OVOL1: variants seen among roughly 807,000 people sequenced by gnomAD.
OVOL1 encodes ovo like transcriptional repressor 1.
OVOL1 carries 10 observed loss-of-function variants against 21.5 expected under a neutral mutation model. The ratio of observed to expected loss-of-function variants is 0.46; its 90% CI spans 0.29 to 0.79. The LOEUF (loss-of-function observed/expected upper bound fraction) is 0.79, where lower values mean the gene tolerates loss of function less well. Ranked by LOEUF, OVOL1 falls within the 30% of genes least tolerant of loss-of-function variation. The pLI is 0.10. For missense variants in OVOL1, 279 were observed against 362.3 expected (o/e 0.77, Z 1.87); for synonymous variants, 129 against 150.3 (o/e 0.86, Z 1.03).
intron 1 of OVOL1, chr11:65,792,263 C>T (rs1858035508): frequency 6.6e-6 from 1 of 152,598 alleles, no homozygotes; most frequent in Non-Finnish European, 1.5e-5. Context: ...GAGCAGCCAC[C>T]CTTGTGGGCT....
intron 1 of OVOL1, 148 bp from the exon 2 acceptor site, chr11:65,793,883 G>A: frequency 1.6e-6 from 1 of 633,658 alleles, no homozygotes. Flanking sequence ...CAGCAGTGGT[G>A]GTCGGGGCAG....
chr11:65,789,521 G>A (rs1397763039), intron 1 of OVOL1: 1 of 226,394 alleles, frequency 4.4e-6, no homozygotes, highest in African/African-American at 2.3e-5. Flanking sequence ...TTTTCCCACA[G>A]TTTTTGGCAA....
chr11:65,789,191 T>A, intron 1 of OVOL1: 1 of 496,594 alleles, frequency 2.0e-6, no homozygotes, highest in Non-Finnish European at 2.6e-6. Context: ...GACTTCTTTT[T>A]GTCCTAGCTA....
At chr11:65,790,706 GGACAGA>G (rs1857998723) in intron 1 of OVOL1, 2 of 152,472 alleles carry the variant, frequency 1.3e-5, no homozygotes, top group Non-Finnish European at 2.9e-5. Flanking sequence ...GCCACACAGT[GGACAGA>G]GACAGAAGAG....
At chr11:65,787,779 C>A (rs2135697475) in intron 1 of OVOL1, among the ~76,000 whole-genome samples, 1 of 152,218 alleles carries the variant, frequency 6.6e-6, no homozygotes, top group Admixed American at 6.5e-5. Context: ...GAGGAGGCAG[C>A]GGGGTGTGTC....
intron 1 of OVOL1, among the ~76,000 whole-genome samples, chr11:65,791,972 G>T (rs1288113994): frequency 6.6e-6 from 1 of 152,252 alleles, no homozygotes; most frequent in Non-Finnish European, 1.5e-5. Context: ...CATGGGGGTG[G>T]CAGGGAGACA....
At chr11:65,794,423 A>C in intron 2 of OVOL1, 115 bp from the exon 3 acceptor site, 2 of 1,136,544 alleles carry the variant, frequency 1.8e-6, no homozygotes, top group Non-Finnish European at 2.5e-6. Flanking sequence ...GGTCTCTGGG[A>C]GGTGGGCACC....
rs762516170 is a variant in OVOL1 at position 65,794,263 on chromosome 11, G to A, written c.318+15G>A. On this transcript the variant is annotated intron_variant, in intron 2 of 3. Transcript: ENST00000335987. ...CCAAGATGAAGGTAATGCCACTCGC[G>A]CTGTCTCCGAGGGCCGGGGGCGTGC... 12 of 1,605,380 alleles carry A rather than the reference G, an allele frequency of 7.5e-6. No individual in the cohort carries two copies. Among genetic ancestry groups the A allele is most frequent in the African/African-American group, 6.7e-5 (5 of 74,756 alleles).
intron 1 of OVOL1, chr11:65,789,746 A>G (rs1443484476): frequency 2.1e-6 from 2 of 974,366 alleles, no homozygotes; most frequent in East Asian, 2.3e-4. Flanking sequence ...GGGCCCAGGA[A>G]TGTGGGAGTG....
chr11:65,787,341 A>G lies in OVOL1; in HGVS notation c.-33A>G, dbSNP rs1472218075. ...GGACGGCTCCCGGCTTCAGTTACGG[A>G]AGCGGCCCGTGTCCAGCGACGAGGG... On this transcript the variant is annotated 5_prime_UTR_variant, in exon 1 of 4. Transcript: ENST00000335987. 6.5e-7 allele frequency: 1 copy of G among 1,532,068 alleles called. No individual in the cohort carries two copies. The highest frequency in any genetic ancestry group is 1.2e-5 in the South Asian group (1 of 84,366). The allele number at this position is 1,532,068 out of a possible 1,614,324, so 94.9% of individuals were successfully genotyped here.
intron 1 of OVOL1, chr11:65,789,942 G>A (rs1009446250): frequency 6.6e-6 from 1 of 152,344 alleles, no homozygotes; most frequent in Non-Finnish European, 1.5e-5. Flanking sequence ...CTTACTCCCG[G>A]GGCAGAATCT....
chr11:65,795,475 G>T lies in OVOL1; in HGVS notation c.*134G>T. On this transcript the variant is annotated 3_prime_UTR_variant, in exon 4 of 4. Coordinates refer to ENST00000335987, the MANE Select transcript of OVOL1 (RefSeq NM_004561.4). This position sits in a 1 kb window ranked among gnomAD's most constrained non-coding sequence, Gnocchi z 5.7. ...ATCAGGACTGGAGCCCCCGTGCCTT[G>T]GTCTCCCCCCTGGGCACACGTGCTC... 1 of 813,168 alleles carries T rather than the reference G, an allele frequency of 1.2e-6. No homozygotes were observed. Among genetic ancestry groups the T allele is most frequent in the Non-Finnish European group, 1.9e-6 (1 of 518,932 alleles). 50.4% of individuals were successfully genotyped at this position (813,168 alleles called of 1,614,324 possible).
At chr11:65,787,528 G>A (rs2135697154) in intron 1 of OVOL1, 55 bp downstream of exon 1, 3 of 1,040,904 alleles carry the variant, frequency 2.9e-6, no homozygotes, top group Non-Finnish European at 2.6e-6. Context: ...TCGAGGCTGC[G>A]GGCGGGCGGG....
chr11:65,792,763 G>C (rs1858047547), intron 1 of OVOL1, among the ~76,000 whole-genome samples: 1 of 152,204 alleles, frequency 6.6e-6, no homozygotes, highest in Non-Finnish European at 1.5e-5. Context: ...GTTTTGAGGG[G>C]GCGAGAGCTG....
At chr11:65,788,870 A>G (rs1857953989) in intron 1 of OVOL1, 7 of 985,428 alleles carry the variant, frequency 7.1e-6, no homozygotes, top group Non-Finnish European at 8.4e-6. Flanking sequence ...AATTCTGTGT[A>G]TAGCTTCTTG....
At chr11:65,787,559 C>CA in intron 1 of OVOL1, 86 bp downstream of exon 1, 3 of 689,414 alleles carry the variant, frequency 4.4e-6, no homozygotes, top group Non-Finnish European at 5.7e-6. Flanking sequence ...TCCGCGGAGC[C>CA]AGGCGGCAGG....
At chr11:65,791,202 G>A (rs753711541) in intron 1 of OVOL1, among the ~76,000 whole-genome samples, 4 of 152,214 alleles carry the variant, frequency 2.6e-5, no homozygotes, top group Non-Finnish European at 4.4e-5. Context: ...ATGCGTTACC[G>A]GGCCGGCCTG....
In OVOL1 at chr11:65,787,345, G is replaced by T. The variant is rs1191647076; in HGVS notation, c.-29G>T. ...GGCTCCCGGCTTCAGTTACGGAAGC[G>T]GCCCGTGTCCAGCGACGAGGGTTCG... On this transcript the variant is annotated 5_prime_UTR_variant, in exon 1 of 4. Transcript: ENST00000335987. 1 of 1,542,882 alleles carries T rather than the reference G, an allele frequency of 6.5e-7. No individual in the cohort carries two copies.
Position 65,787,299 on chromosome 11 carries a change from C to A in OVOL1, c.-75C>A. 7.8e-7 allele frequency: 1 copy of A among 1,275,412 alleles called. No homozygotes were observed. The highest frequency in any genetic ancestry group is 1.5e-5 in the African/African-American group (1 of 66,002). The allele number at this position is 1,275,412 out of a possible 1,614,324, so 79.0% of individuals were successfully genotyped here. The stretch of plus-strand genomic sequence containing the variant: ...TGTGCCCCCGTTCCCGGCGTTCAGC[C>A]CGGCCCCGCAAAGGTGGGACGGCTC... On this transcript the variant is annotated 5_prime_UTR_variant, in exon 1 of 4. Transcript: ENST00000335987.
Sources: gnomAD v4.1 joint callset for allele counts (sites outside exome capture counted in the v4.1 genomes callset) on GRCh38, gnomAD v4.1.1 for gene constraint, Gnocchi (gnomAD v3.1) non-coding constraint, MANE v1.5 for transcripts, NCBI Gene and HGNC (gene_info 2026-07-23, HGNC 2026-07-21) for gene names.